The following IQCJ variants were observed in gnomAD, a reference collection of about 807,000 sequenced individuals.
The protein encoded by IQCJ is IQ motif containing J.
A neutral mutation model predicts 11.0 loss-of-function variants in IQCJ; 9 were observed. The observed-to-expected ratio is 0.82, with a 90% CI of 0.49 to 1.43. The LOEUF (loss-of-function observed/expected upper bound fraction) is 1.43. Among genes scored for constraint, IQCJ ranks in the 40% most tolerant of loss-of-function variants. IQCJ has a pLI of 0.00. For synonymous variants in IQCJ, 55 were observed against 51.3 expected, an observed-to-expected ratio of 1.07 and a Z score of -0.31; for missense variants, 146 against 133.2, an observed-to-expected ratio of 1.10 and a Z score of -0.47.
chr3:159,261,556 T>G (rs914704631), intron 3 of IQCJ, among the ~76,000 whole-genome samples: 1 of 152,208 alleles, frequency 6.6e-6, no homozygotes, highest in Non-Finnish European at 1.5e-5. Flanking sequence ...TACATGGGGC[T>G]TCCCCCTTTA....
chr3:159,078,243 GTC>G lies in IQCJ; in HGVS notation c.9+8804_9+8805del, dbSNP rs1380175277. Reference sequence around the variant, plus strand: ...AGGGGACTTTTTTACATTAAGGTTTGTCTGTATTTCTAAAACCCCTCACTCGG... The same window carrying G: ...AGGGGACTTTTTTACATTAAGGTTTGTGTATTTCTAAAACCCCTCACTCGG... On this transcript the variant is annotated intron_variant, in intron 1 of 3. Transcript: ENST00000397832. Among the ~76,000 whole-genome samples, 8 of 148,986 alleles carry G rather than the reference GTC, an allele frequency of 5.4e-5. No homozygotes were observed. The South Asian group carries it at 1.1e-3, about 20-fold the overall frequency.
chr3:159,154,506 AGAGAC>A (rs1721405414), intron 1 of IQCJ, among the ~76,000 whole-genome samples: 1 of 151,982 alleles, frequency 6.6e-6, no homozygotes, highest in African/African-American at 2.4e-5. Flanking sequence ...TTTTGGATGA[AGAGAC>A]TTCTCGAATA....
chr3:159,246,032 C>T (rs887041313), intron 2 of IQCJ, 125 bp downstream of exon 2: 1 of 701,420 alleles, frequency 1.4e-6, no homozygotes, highest in Non-Finnish European at 2.3e-6. Context: ...TGGTCAGAGC[C>T]CAGAAATGTG....
At chr3:159,108,558 T>C (rs2108114730) in intron 1 of IQCJ, among the ~76,000 whole-genome samples, 1 of 152,342 alleles carries the variant, frequency 6.6e-6, no homozygotes, top group South Asian at 2.1e-4. Flanking sequence ...CCTTATACTC[T>C]ATCAGTTACT....
intron 1 of IQCJ, among the ~76,000 whole-genome samples, chr3:159,095,137 G>T (rs1299829851): frequency 6.6e-6 from 1 of 151,734 alleles, no homozygotes; most frequent in African/African-American, 2.4e-5. Flanking sequence ...CCAATCAATT[G>T]CACAATTCTT....
intron 1 of IQCJ, among the ~76,000 whole-genome samples, chr3:159,232,173 A>C (rs1161672250): frequency 6.6e-6 from 1 of 151,916 alleles, no homozygotes; most frequent in Non-Finnish European, 1.5e-5. Context: ...GTCTTCTGCT[A>C]GCTTTTGAAT....
Position 159,161,610 on chromosome 3 carries a change from C to T in IQCJ, c.10-84233C>T, listed in dbSNP as rs149677117. Among the ~76,000 whole-genome samples the T allele has an allele frequency of 2.9e-4, 44 of 152,294 alleles. 1 individual carries two copies. The East Asian group carries it at 8.5e-3, about 29-fold the overall frequency. ...TTAGACATGAAGTCCTTGCCCATGC[C>T]TATGTCCAGAATGGTAATGTCCAGG... On this transcript the variant is annotated intron_variant, in intron 1 of 3. Coordinates refer to ENST00000397832, the MANE Select transcript of IQCJ (RefSeq NM_001042706.3).
intron 1 of IQCJ, among the ~76,000 whole-genome samples, chr3:159,130,058 A>C (rs1719904083): frequency 1.3e-5 from 2 of 151,890 alleles, no homozygotes; most frequent in African/African-American, 2.4e-5. Context: ...CTAGTGTTGC[A>C]CTCCTGTAGC....
At chr3:159,203,181 A>G (rs1461870364) in intron 1 of IQCJ, among the ~76,000 whole-genome samples, 1 of 148,022 alleles carries the variant, frequency 6.8e-6, no homozygotes, top group Non-Finnish European at 1.5e-5. Flanking sequence ...TCATTGGAGG[A>G]TTTAGGGAGG....
intron 1 of IQCJ, among the ~76,000 whole-genome samples, chr3:159,207,951 T>C (rs1158907374): frequency 6.6e-6 from 1 of 152,136 alleles, no homozygotes; most frequent in African/African-American, 2.4e-5. Flanking sequence ...AAATACACAA[T>C]AGTTTGGAGG....
intron 1 of IQCJ, among the ~76,000 whole-genome samples, chr3:159,105,677 C>T (rs986101632): frequency 3.9e-5 from 6 of 152,064 alleles, no homozygotes; most frequent in Admixed American, 6.6e-5. Flanking sequence ...AAGAGTGATC[C>T]AGAGAAAACA....
chr3:159,219,310 A>T (rs528955449), intron 1 of IQCJ, among the ~76,000 whole-genome samples: 25 of 146,238 alleles, frequency 1.7e-4, no homozygotes, highest in South Asian at 6.3e-4. Flanking sequence ...CTTAGAATTT[A>T]AAAAAAAACT....
chr3:159,131,961 C>G (rs1036060596), intron 1 of IQCJ, among the ~76,000 whole-genome samples: 3 of 152,104 alleles, frequency 2.0e-5, no homozygotes, highest in Non-Finnish European at 2.9e-5. Context: ...CACACACACA[C>G]ACACACAAAT....
At chr3:159,089,254 C>A (rs575766947) in intron 1 of IQCJ, among the ~76,000 whole-genome samples, 2 of 152,280 alleles carry the variant, frequency 1.3e-5, no homozygotes, top group African/African-American at 2.4e-5. Context: ...GGCCCCCACT[C>A]TCTTCTGGCT....
chr3:159,114,891 CA>C (rs1443392302), intron 1 of IQCJ, among the ~76,000 whole-genome samples: 12 of 152,090 alleles, frequency 7.9e-5, no homozygotes, highest in Non-Finnish European at 1.8e-4. Flanking sequence ...TAAAATCATG[CA>C]AATTTTAGTA....
intron 1 of IQCJ, among the ~76,000 whole-genome samples, chr3:159,223,313 C>T (rs1014467215): frequency 1.3e-5 from 2 of 151,884 alleles, no homozygotes; most frequent in African/African-American, 4.8e-5. Flanking sequence ...AGGTAGCGGC[C>T]ATATGCAATT....
chr3:159,147,091 G>A (rs763866157), intron 1 of IQCJ, among the ~76,000 whole-genome samples: 9 of 152,136 alleles, frequency 5.9e-5, no homozygotes, highest in Non-Finnish European at 1.3e-4. Flanking sequence ...TCACATTTGT[G>A]TAATTTCCTT....
rs866038763 is a variant in IQCJ, at chr3:159,069,410, G to A, written c.-23G>A. The A allele has an allele frequency of 3.1e-6, 5 of 1,607,408 alleles. No individual in the cohort carries two copies. The highest frequency in any genetic ancestry group is 2.7e-5 in the African/African-American group (2 of 74,430). ...CATCCGATCCAGTCTCCTTTCACCT[G>A]CAGGTGTTCCAGAAACTTCAAAATG... On this transcript the variant is annotated 5_prime_UTR_variant, in exon 1 of 4. Coordinates refer to ENST00000397832, the MANE Select transcript of IQCJ (RefSeq NM_001042706.3).
At chr3:159,141,667 G>A (rs1292137723) in intron 1 of IQCJ, among the ~76,000 whole-genome samples, 1 of 152,094 alleles carries the variant, frequency 6.6e-6, no homozygotes, top group Non-Finnish European at 1.5e-5. Flanking sequence ...TCTATAATTA[G>A]TACTTGAATA....
Sources: gnomAD v4.1 joint callset for allele counts (sites outside exome capture counted in the v4.1 genomes callset) on GRCh38, gnomAD v4.1.1 for gene constraint, MANE v1.5 for transcripts, NCBI Gene and HGNC (gene_info 2026-07-23, HGNC 2026-07-21) for gene names.